The following AP2A1 variants were observed in gnomAD, a reference collection of about 807,000 sequenced individuals.
The protein encoded by AP2A1 is AP-2 complex subunit alpha-1.
A neutral mutation model predicts 107.3 loss-of-function variants in AP2A1; 21 were observed. The ratio of observed to expected loss-of-function variants is 0.20; its 90% CI spans 0.14 to 0.28. The LOEUF (loss-of-function observed/expected upper bound fraction) is 0.28. AP2A1 is among the 10% of genes least tolerant of loss of function. AP2A1 has a pLI of 1.00. For missense variants in AP2A1, 873 were observed against 1,307.7 expected (o/e 0.67, Z 5.13); for synonymous variants, 602 against 564.8 (o/e 1.07, Z -0.93).
At chr19:49,781,422 A>G (rs2084673227) in intron 1 of AP2A1, among the ~76,000 whole-genome samples, 1 of 152,000 alleles carries the variant, frequency 6.6e-6, no homozygotes. Flanking sequence ...TCACATGTTC[A>G]TCGCATGTGG....
rs1355830678 is a variant in AP2A1 at position 49,785,916 on chromosome 19, CAA to C, written c.473+3203_473+3204del. ...TGGGTGACAGAGCGAGACTCCATCTCAAAAAAAAAAAACATTAGTGGGGTGCA... is the reference window on the plus strand; with the variant it reads ...TGGGTGACAGAGCGAGACTCCATCTCAAAAAAAAAACATTAGTGGGGTGCA... On this transcript the variant is annotated intron_variant, in intron 4 of 22. Transcript: ENST00000354293. The surrounding 1 kb of genome is among the most constrained non-coding windows in gnomAD (Gnocchi z 4.1). Among the ~76,000 whole-genome samples the C allele has an allele frequency of 7.2e-6, 1 of 138,068 alleles. No individual in the cohort carries two copies. Among genetic ancestry groups the C allele is most frequent in the African/African-American group, 2.7e-5 (1 of 37,464 alleles). 90.6% of individuals were successfully genotyped at this position (138,068 alleles called of 152,430 possible). A position where few individuals can be genotyped will look rare whatever the true frequency, so the allele number is the denominator to read the frequency against.
At chr19:49,802,662 G>C in intron 15 of AP2A1, 2 of 1,426,160 alleles carry the variant, frequency 1.4e-6, no homozygotes, top group Non-Finnish European at 9.3e-7. Flanking sequence ...CCCAGGGAGA[G>C]TTAGGGGACT....
At chr19:49,796,359 C>G (rs967754415) in intron 7 of AP2A1, 1 of 152,422 alleles carries the variant, frequency 6.6e-6, no homozygotes, top group African/African-American at 2.4e-5. Flanking sequence ...CCCCCAGACT[C>G]TCTGCTCTAA....
chr19:49,767,811 C>T (rs988186370), intron 1 of AP2A1, among the ~76,000 whole-genome samples: 1 of 151,828 alleles, frequency 6.6e-6, no homozygotes, highest in Non-Finnish European at 1.5e-5. Context: ...ACTATAAGGA[C>T]ACCCTGGTGA....
At chr19:49,793,960 G>A (rs1360773877) in intron 6 of AP2A1, among the ~76,000 whole-genome samples, 1 of 135,226 alleles carries the variant, frequency 7.4e-6, no homozygotes, top group Non-Finnish European at 1.5e-5. Context: ...AGGCTGGAGT[G>A]CAGTGGCGCG....
At chr19:49,780,995 C>G (rs544654378) in intron 1 of AP2A1, among the ~76,000 whole-genome samples, 31 of 152,178 alleles carry the variant, frequency 2.0e-4, no homozygotes, top group African/African-American at 7.2e-4. Flanking sequence ...GTGAGTGGAA[C>G]AGGGACAGGA....
Position 49,806,724 on chromosome 19 carries a change from G to A in AP2A1, c.2834G>A (p.Arg945His), listed in dbSNP as rs113074233. ...CGCACCAGCAAGGAGCCCGTCTCCC[G>A]TCACCTGTGTGAGCTGCTGGCACAG... ...TLRTSKEPVS[R>H]HLCELLAQQF The change falls in exon 23 of 23, where the codon CGT becomes CAT. Residue 945 changes from arginine to histidine, a missense_variant. Around this residue, in one of 4 missense-constraint regions of AP2A1, gnomAD observed 416 missense variants for 473.4 expected, o/e 0.88. Transcript: ENST00000354293. 2.7e-5 allele frequency: 43 copies of A among 1,613,400 alleles called. No individual in the cohort carries two copies. The highest frequency in any genetic ancestry group is 5.3e-5 in the African/African-American group (4 of 74,828).
In AP2A1 at chr19:49,788,468, T is replaced by C. The variant is rs114337918; in HGVS notation, c.474-3467T>C. On this transcript the variant is annotated intron_variant, in intron 4 of 22. Coordinates refer to ENST00000354293, the MANE Select transcript of AP2A1 (RefSeq NM_130787.3). The surrounding 1 kb of genome is among the most constrained non-coding windows in gnomAD (Gnocchi z 4.5). ...CTGTGCGGGAACACTTAGAGCAGAG[T>C]TTGGCCCAGAGTCAGGACTCGGGAG... Among the ~76,000 whole-genome samples the C allele has an allele frequency of 3.3e-5, 5 of 151,948 alleles. No homozygotes were observed. The highest frequency in any genetic ancestry group is 1.2e-4 in the African/African-American group (5 of 41,406).
intron 1 of AP2A1, among the ~76,000 whole-genome samples, chr19:49,769,178 A>G (rs1037686930): frequency 9.2e-5 from 14 of 151,998 alleles, no homozygotes; most frequent in African/African-American, 3.4e-4. Flanking sequence ...TGAACCCGGG[A>G]GGCAGAGGTT....
chr19:49,793,914 T>C (rs2073178365), intron 6 of AP2A1, among the ~76,000 whole-genome samples: 1 of 141,170 alleles, frequency 7.1e-6, no homozygotes, highest in African/African-American at 2.6e-5. Context: ...TTTTTTTTTT[T>C]TTTTTTTTTT....
At chr19:49,778,384 A>G (rs544936045) in intron 1 of AP2A1, among the ~76,000 whole-genome samples, 1 of 152,214 alleles carries the variant, frequency 6.6e-6, no homozygotes, top group South Asian at 2.1e-4. Flanking sequence ...GGAGTTTGAG[A>G]CCAGCCTGGC....
chr19:49,802,646 G>A (rs552725405), intron 15 of AP2A1: 405 of 1,484,446 alleles, frequency 2.7e-4, no homozygotes, highest in Admixed American at 3.9e-4. Context: ...GGCGGACTCG[G>A]GTGTCCCCAG....
intron 22 of AP2A1, 187 bp from the exon 23 acceptor site, chr19:49,806,494 T>G: frequency 6.9e-7 from 1 of 1,444,908 alleles, no homozygotes; most frequent in Non-Finnish European, 9.1e-7. Flanking sequence ...CTTTCCACCT[T>G]TCTCTCATCT....
intron 4 of AP2A1, among the ~76,000 whole-genome samples, chr19:49,783,943 T>C (rs115536471): frequency 0.022 from 3,370 of 152,290 alleles, 127 homozygotes; most frequent in African/African-American, 0.077. Flanking sequence ...AGTCAACCTT[T>C]AGTTTAAAGT....
intron 1 of AP2A1, among the ~76,000 whole-genome samples, chr19:49,780,564 C>T: frequency 6.6e-6 from 1 of 152,086 alleles, no homozygotes; most frequent in Non-Finnish European, 1.5e-5. Context: ...GAGTGGAGCA[C>T]CCCCAGCTGG....
intron 10 of AP2A1, 70 bp from the exon 11 acceptor site, chr19:49,799,898 G>A: frequency 6.3e-7 from 1 of 1,582,490 alleles, no homozygotes; most frequent in Non-Finnish European, 8.6e-7. Flanking sequence ...GCAGTGGTGA[G>A]CCCAGATCCA....
intron 1 of AP2A1, among the ~76,000 whole-genome samples, chr19:49,776,017 T>A (rs1216600823): frequency 1.3e-5 from 2 of 152,088 alleles, no homozygotes; most frequent in Non-Finnish European, 2.9e-5. Context: ...AGCACTTCCC[T>A]TGACTCTGCC....
chr19:49,804,662 C>A (rs912688558), intron 18 of AP2A1: 14 of 152,190 alleles, frequency 9.2e-5, no homozygotes, highest in African/African-American at 3.4e-4. Flanking sequence ...GACACGGATG[C>A]AGATGATGAT....
Position 49,781,738 on chromosome 19 carries a change from C to G in AP2A1, c.68-19C>G, listed in dbSNP as rs762080929. On this transcript the variant is annotated intron_variant, in intron 1 of 22. Transcript: ENST00000354293. The stretch of plus-strand genomic sequence containing the variant: ...ACTCCCCAGACCCCTCACTGCCTAC[C>G]CTCCTCCTCCTCTCCCAGGTAAGAG... 5.2e-6 allele frequency: 8 copies of G among 1,529,330 alleles called. No individual in the cohort carries two copies. In the East Asian group the frequency reaches 1.4e-4, roughly 27 times the overall value. The allele number at this position is 1,529,330 out of a possible 1,614,324, so 94.7% of individuals were successfully genotyped here.
Sources: gnomAD v4.1 joint callset for allele counts (sites outside exome capture counted in the v4.1 genomes callset) on GRCh38, gnomAD v4.1.1 for gene constraint, gnomAD v4.1.1 regional missense constraint, Gnocchi (gnomAD v3.1) non-coding constraint, MANE v1.5 for transcripts, NCBI Gene and HGNC (gene_info 2026-07-23, HGNC 2026-07-21) for gene names.